The following ZNF346 variants were observed in gnomAD, a reference collection of about 807,000 sequenced individuals.
ZNF346 encodes double-stranded RNA-binding zinc finger protein JAZ.
Under a neutral mutation model 33.7 loss-of-function variants are expected in ZNF346, and 23 were observed. The ratio of observed to expected loss-of-function variants is 0.68; its 90% CI spans 0.49 to 0.97. The LOEUF (loss-of-function observed/expected upper bound fraction) is 0.97. Among genes scored for constraint, ZNF346 ranks in the 50% least tolerant of loss-of-function variants. The pLI is 0.00. For missense variants in ZNF346, 340 were observed against 371.1 expected, an observed-to-expected ratio of 0.92 and a Z score of 0.69; for synonymous variants, 134 against 142.4, an observed-to-expected ratio of 0.94 and a Z score of 0.42.
chr5:177,051,525 CCT>C (rs1780895658), intron 5 of ZNF346, among the ~76,000 whole-genome samples: 1 of 148,144 alleles, frequency 6.8e-6, no homozygotes, highest in South Asian at 2.1e-4. Context: ...TATAGAAATC[CCT>C]CTGTTTTTGT....
chr5:177,073,757 G>A (rs1288355183), intron 8 of ZNF346, among the ~76,000 whole-genome samples: 1 of 137,034 alleles, frequency 7.3e-6, no homozygotes, highest in Non-Finnish European at 1.5e-5. Context: ...ATGAATCATT[G>A]CCTCCCTGTG....
chr5:177,037,572 C>G (rs2149613994), intron 1 of ZNF346, among the ~76,000 whole-genome samples: 1 of 152,314 alleles, frequency 6.6e-6, no homozygotes, highest in South Asian at 2.1e-4. Context: ...TCACTCCCAC[C>G]CCCACATCCA....
chr5:177,070,161 C>T (rs1305635706), downstream of ZNF346, among the ~76,000 whole-genome samples: 2 of 152,208 alleles, frequency 1.3e-5, no homozygotes, highest in Non-Finnish European at 2.9e-5. Context: ...TGACTTACAT[C>T]CTCACCAGCA....
rs1022496000 is a variant in ZNF346 at position 177,046,774 on chromosome 5, A to G, written c.517+2241A>G. ...CTGTGTGTATATTCGTTTTGTGTAT[A>G]TCTAGGTTAACTCCGTGTATATGTG... On this transcript the variant is annotated intron_variant, in intron 4 of 6. Coordinates refer to ENST00000358149, the MANE Select transcript of ZNF346 (RefSeq NM_012279.4). Among the ~76,000 whole-genome samples, 8 of 152,252 alleles carry G rather than the reference A, an allele frequency of 5.3e-5. No individual in the cohort carries two copies. In the South Asian group the frequency reaches 8.3e-4, roughly 16 times the overall value.
rs1432234706 is a variant in ZNF346 at position 177,064,705 on chromosome 5, A to T, written c.*106A>T. ...CTCGTTGTTCTCACCAGGAAAGTAC[A>T]CGGGCCTGAGGCAGGATTGGGCCAC... is the stretch of plus-strand genomic sequence containing the variant. On this transcript the variant is annotated 3_prime_UTR_variant, in exon 7 of 7. Coordinates refer to ENST00000358149, the MANE Select transcript of ZNF346 (RefSeq NM_012279.4). 4.4e-6 allele frequency: 4 copies of T among 900,878 alleles called. No individual in the cohort carries two copies. The highest frequency in any genetic ancestry group is 1.9e-5 in the Admixed American group (1 of 52,898). 55.8% of individuals were successfully genotyped at this position (900,878 alleles called of 1,614,324 possible). A position where few individuals can be genotyped will look rare whatever the true frequency, so the allele number is the denominator to read the frequency against.
At chr5:177,055,801 T>C (rs924797229) in intron 5 of ZNF346, among the ~76,000 whole-genome samples, 12 of 151,320 alleles carry the variant, frequency 7.9e-5, no homozygotes, top group African/African-American at 2.7e-4. Context: ...ATTGGCCGGG[T>C]GCAGTGGCTC....
At chr5:177,048,112 A>G (rs1043095966) in intron 4 of ZNF346, among the ~76,000 whole-genome samples, 3 of 152,180 alleles carry the variant, frequency 2.0e-5, no homozygotes, top group African/African-American at 4.8e-5. Flanking sequence ...AGATAACACT[A>G]CAGTGAACAT....
chr5:177,043,783 G>T (rs1439589553), intron 3 of ZNF346, among the ~76,000 whole-genome samples: 2 of 151,864 alleles, frequency 1.3e-5, no homozygotes, highest in Non-Finnish European at 2.9e-5. Flanking sequence ...AAACCTAATG[G>T]TCCACTTGTT....
chr5:177,066,324 A>G lies in ZNF346; in HGVS notation c.*1725A>G, dbSNP rs1000982957. Among the ~76,000 whole-genome samples, 1 of 151,970 alleles carries G rather than the reference A, an allele frequency of 6.6e-6. No homozygotes were observed. The highest frequency in any genetic ancestry group is 1.5e-5 in the Non-Finnish European group (1 of 67,976). On this transcript the variant is annotated 3_prime_UTR_variant, in exon 7 of 7. Coordinates refer to ENST00000358149, the MANE Select transcript of ZNF346 (RefSeq NM_012279.4). Reference sequence around the variant, plus strand: ...CAGGAAAGGAGACAAGGAGGCCAGTATGGACACTGTGTCCAGTATGGCTTT... The same window carrying G: ...CAGGAAAGGAGACAAGGAGGCCAGTGTGGACACTGTGTCCAGTATGGCTTT...
intron 1 of ZNF346, among the ~76,000 whole-genome samples, chr5:177,032,151 C>T (rs370664357): frequency 4.6e-5 from 7 of 151,436 alleles, no homozygotes; most frequent in East Asian, 1.9e-4. Flanking sequence ...TATAGGTATG[C>T]GCCACCACAC....
chr5:177,066,734 ACT>A lies in ZNF346; in HGVS notation c.*2138_*2139del, dbSNP rs1399881003. Among the ~76,000 whole-genome samples the A allele has an allele frequency of 1.3e-5, 2 of 149,964 alleles. No individual in the cohort carries two copies. Among genetic ancestry groups the A allele is most frequent in the Non-Finnish European group, 3.0e-5 (2 of 67,616 alleles). ...ACTCCAGCCAGGGCAACATAACAAG[ACT>A]CTATCTAAAAAAAAAAAAAAATTAT... On this transcript the variant is annotated 3_prime_UTR_variant, in exon 7 of 7. Coordinates refer to ENST00000358149, the MANE Select transcript of ZNF346 (RefSeq NM_012279.4).
intron 1 of ZNF346, among the ~76,000 whole-genome samples, chr5:177,040,042 G>A (rs540098759): frequency 7.8e-4 from 119 of 152,064 alleles, no homozygotes; most frequent in African/African-American, 1.3e-3. Flanking sequence ...TTAGTTGGGC[G>A]TGGTGGTGGG....
chr5:177,038,217 T>C (rs1324498617), intron 1 of ZNF346, among the ~76,000 whole-genome samples: 2 of 151,556 alleles, frequency 1.3e-5, no homozygotes, highest in African/African-American at 4.8e-5. Context: ...GCCTCCTGAA[T>C]AGCTAAGACT....
downstream of ZNF346, among the ~76,000 whole-genome samples, chr5:177,070,005 G>A (rs1783425763): frequency 6.6e-6 from 1 of 152,116 alleles, no homozygotes; most frequent in South Asian, 2.1e-4. Flanking sequence ...CTAGTTTGGG[G>A]GTATCATAAA....
At chr5:177,081,091 A>C (rs1325703762) in exon 9 of ZNF346, 1 of 90,028 alleles carries the variant, frequency 1.1e-5, no homozygotes, top group African/African-American at 7.4e-5. Context: ...TAAAAAAAAG[A>C]AATGGTAATG....
chr5:177,075,676 C>T (rs2149720815), intron 8 of ZNF346, among the ~76,000 whole-genome samples: 1 of 152,118 alleles, frequency 6.6e-6, no homozygotes, highest in South Asian at 2.1e-4. Context: ...GCCACTGTGC[C>T]TGGCTAATTT....
chr5:177,070,678 G>A (rs1406994843), downstream of ZNF346, among the ~76,000 whole-genome samples: 1 of 152,164 alleles, frequency 6.6e-6, no homozygotes, highest in African/African-American at 2.4e-5. Flanking sequence ...TTCTATTGTT[G>A]ACCTGAAGTA....
intron 1 of ZNF346, among the ~76,000 whole-genome samples, chr5:177,023,566 T>G (rs1225469719): frequency 6.6e-6 from 1 of 152,208 alleles, no homozygotes; most frequent in East Asian, 1.9e-4. Flanking sequence ...CAAAGCCACG[T>G]TAGGGGTCAC....
At position 177,066,787 on chromosome 5, in the gene ZNF346, C is replaced by T. The variant is rs535616774; in HGVS notation, c.*2188C>T. On this transcript the variant is annotated 3_prime_UTR_variant, in exon 7 of 7. Coordinates refer to ENST00000358149, the MANE Select transcript of ZNF346 (RefSeq NM_012279.4). ...AAAAATAAATTTGAAGGCTGGGCGC[C>T]GTGGCTCACGCCTGTAATCCAAGCA... Among the ~76,000 whole-genome samples, 8 of 151,844 alleles carry T rather than the reference C, an allele frequency of 5.3e-5. No individual in the cohort carries two copies. The highest frequency in any genetic ancestry group is 1.4e-4 in the African/African-American group (6 of 41,422).
Sources: allele counts gnomAD v4.1 joint callset (sites outside exome capture counted in the v4.1 genomes callset), GRCh38; gene constraint gnomAD v4.1.1; transcripts MANE v1.5; gene names NCBI Gene and HGNC (gene_info 2026-07-23, HGNC 2026-07-21).